Variants in PLPPR1 observed in about 807,000 individuals in gnomAD.
PLPPR1 encodes phospholipid phosphatase-related protein type 1.
Under a neutral mutation model 33.1 loss-of-function variants are expected in PLPPR1, and 10 were observed. The observed-to-expected ratio is 0.30, with a 90% CI of 0.19 to 0.51. The LOEUF is 0.51. Among genes scored for constraint, PLPPR1 ranks in the 20% least tolerant of loss-of-function variants. PLPPR1 has a pLI of 0.97. For synonymous variants in PLPPR1, 151 were observed against 151.0 expected, an observed-to-expected ratio of 1.00 and a Z score of 0.00; for missense variants, 304 against 408.1, an observed-to-expected ratio of 0.74 and a Z score of 2.20.
At chr9:101,297,218 T>A (rs1417462011) in intron 4 of PLPPR1, among the ~76,000 whole-genome samples, 2 of 151,268 alleles carry the variant, frequency 1.3e-5, no homozygotes, top group Non-Finnish European at 1.5e-5. Context: ...GAACTAAAGA[T>A]AATTTTTTTA....
intron 1 of PLPPR1, among the ~76,000 whole-genome samples, chr9:101,114,133 G>A (rs544171472): frequency 1.3e-5 from 2 of 152,248 alleles, no homozygotes; most frequent in Admixed American, 1.3e-4. Flanking sequence ...GCCAATCTGA[G>A]GCTAAAAAAA....
chr9:101,232,268 A>G (rs74890892), intron 2 of PLPPR1, among the ~76,000 whole-genome samples: 2,747 of 152,086 alleles, frequency 0.018, 34 homozygotes, highest in Middle Eastern at 0.082. Context: ...ATTCTGGAAT[A>G]TATCTCATCT....
At chr9:101,034,544 G>T (rs1019497920) in intron 1 of PLPPR1, among the ~76,000 whole-genome samples, 2 of 152,114 alleles carry the variant, frequency 1.3e-5, no homozygotes, top group Non-Finnish European at 2.9e-5. Flanking sequence ...TAAATTAAAT[G>T]AATTCTTAAT....
chr9:101,274,631 C>T (rs933705638), intron 3 of PLPPR1, among the ~76,000 whole-genome samples: 3 of 152,310 alleles, frequency 2.0e-5, no homozygotes, highest in Middle Eastern at 6.8e-3. Context: ...GAACAGTTTC[C>T]TGGGAACAAG....
chr9:101,308,588 T>C (rs1828896725), intron 4 of PLPPR1, among the ~76,000 whole-genome samples: 1 of 152,234 alleles, frequency 6.6e-6, no homozygotes, highest in African/African-American at 2.4e-5. Context: ...TTTTCCTTTA[T>C]TCTCATTTTC....
chr9:101,096,191 A>G (rs1830815124), intron 1 of PLPPR1, among the ~76,000 whole-genome samples: 1 of 152,204 alleles, frequency 6.6e-6, no homozygotes, highest in South Asian at 2.1e-4. Context: ...GTGGGCCAGC[A>G]CATTCTTCTT....
At chr9:101,063,273 G>T (rs1043190435) in intron 1 of PLPPR1, among the ~76,000 whole-genome samples, 2 of 151,898 alleles carry the variant, frequency 1.3e-5, no homozygotes, top group African/African-American at 4.8e-5. Context: ...GAAATGATGG[G>T]GGCTGCCCCA....
At chr9:101,229,584 T>A (rs941621824) in intron 2 of PLPPR1, among the ~76,000 whole-genome samples, 9 of 152,180 alleles carry the variant, frequency 5.9e-5, no homozygotes, top group Admixed American at 2.0e-4. Context: ...TAAATTTTTT[T>A]AAATTTATCT....
chr9:101,145,475 A>G lies in PLPPR1; in HGVS notation c.-45-39975A>G, dbSNP rs371374507. 2.2e-4 allele frequency among the ~76,000 whole-genome samples: 34 copies of G among 152,082 alleles called. No individual in the cohort carries two copies. In the East Asian group the frequency reaches 6.4e-3, roughly 29 times the overall value. ...TGGCTCACTGCAACCTCCGCCTCCCAGGTTCAAGTGATTCTCCTGCCTCCT... is the reference window on the plus strand; with the variant it reads ...TGGCTCACTGCAACCTCCGCCTCCCGGGTTCAAGTGATTCTCCTGCCTCCT... On this transcript the variant is annotated intron_variant, in intron 1 of 7. Transcript: ENST00000374874.
intron 2 of PLPPR1, among the ~76,000 whole-genome samples, chr9:101,201,197 A>G (rs1826485805): frequency 6.6e-6 from 1 of 152,182 alleles, no homozygotes; most frequent in Non-Finnish European, 1.5e-5. Flanking sequence ...CCTAAATTCT[A>G]TTTATGAGAG....
chr9:101,092,692 C>T (rs1830761272), intron 1 of PLPPR1, among the ~76,000 whole-genome samples: 1 of 152,124 alleles, frequency 6.6e-6, no homozygotes, highest in Non-Finnish European at 1.5e-5. Flanking sequence ...GCTCAGGGCT[C>T]ACCTCTTCAG....
intron 1 of PLPPR1, among the ~76,000 whole-genome samples, chr9:101,095,842 C>G (rs1296488496): frequency 6.6e-6 from 1 of 152,108 alleles, no homozygotes; most frequent in Non-Finnish European, 1.5e-5. Context: ...AGTTCTCAAT[C>G]AATACTCTTT....
At chr9:101,188,056 A>G (rs916776124) in intron 2 of PLPPR1, 9 of 152,014 alleles carry the variant, frequency 5.9e-5, no homozygotes, top group African/African-American at 2.2e-4. Flanking sequence ...CTTTTCATTC[A>G]ACATTATGTT....
At chr9:101,132,203 C>T (rs958347338) in intron 1 of PLPPR1, among the ~76,000 whole-genome samples, 2 of 152,110 alleles carry the variant, frequency 1.3e-5, no homozygotes, top group African/African-American at 4.8e-5. Context: ...CACTGTTGTT[C>T]AATGTTTTCA....
At chr9:101,212,774 T>G (rs1325320494) in intron 2 of PLPPR1, among the ~76,000 whole-genome samples, 3 of 152,190 alleles carry the variant, frequency 2.0e-5, no homozygotes, top group Non-Finnish European at 4.4e-5. Flanking sequence ...GAATGAGAGA[T>G]ATCTGTAACG....
intron 2 of PLPPR1, among the ~76,000 whole-genome samples, chr9:101,258,052 A>G (rs1423476422): frequency 6.6e-6 from 1 of 152,188 alleles, no homozygotes; most frequent in Non-Finnish European, 1.5e-5. Flanking sequence ...GTTAGGCAGA[A>G]AGTTAAACCA....
At chr9:101,267,575 T>C (rs1157895569) in intron 2 of PLPPR1, among the ~76,000 whole-genome samples, 3 of 152,154 alleles carry the variant, frequency 2.0e-5, no homozygotes, top group Non-Finnish European at 4.4e-5. Flanking sequence ...ATGTAATCCA[T>C]AAACAGTCAG....
chr9:101,073,163 G>A (rs1176048370), intron 1 of PLPPR1, among the ~76,000 whole-genome samples: 1 of 152,168 alleles, frequency 6.6e-6, no homozygotes, highest in African/African-American at 2.4e-5. Flanking sequence ...ATAGCATGGT[G>A]ATACTTTAAA....
chr9:101,050,304 AG>A (rs1205109788), intron 1 of PLPPR1, among the ~76,000 whole-genome samples: 1 of 152,136 alleles, frequency 6.6e-6, no homozygotes. Context: ...AAAAACAAAA[AG>A]ATGTACATGT....
Sources: gnomAD v4.1 joint callset for allele counts (sites outside exome capture counted in the v4.1 genomes callset) on GRCh38, gnomAD v4.1.1 for gene constraint, MANE v1.5 for transcripts, NCBI Gene and HGNC (gene_info 2026-07-23, HGNC 2026-07-21) for gene names.